Variants in EFCAB6 observed in about 807,000 individuals in gnomAD.
The protein encoded by EFCAB6 is EF-hand calcium-binding domain-containing protein 6.
EFCAB6 carries 156 observed loss-of-function variants against 169.8 expected under a neutral mutation model. The ratio of observed to expected loss-of-function variants is 0.92; its 90% CI spans 0.81 to 1.05. The LOEUF is 1.05. Ranked by LOEUF, EFCAB6 falls within the 50% of genes least tolerant of loss-of-function variation. EFCAB6 has a pLI of 0.00. For synonymous variants in EFCAB6, 698 were observed against 676.4 expected (o/e 1.03, Z -0.50); for missense variants, 1,800 against 1,829.1 (o/e 0.98, Z 0.29).
At chr22:43,540,049 G>C (rs1334596595) in intron 28 of EFCAB6, 78 bp downstream of exon 28, 8 of 1,518,742 alleles carry the variant, frequency 5.3e-6, no homozygotes, top group Non-Finnish European at 7.2e-6. Context: ...CCATAGTAGG[G>C]CCCCCAAAGT....
chr22:43,728,789 T>G (rs1403163213), intron 8 of EFCAB6, among the ~76,000 whole-genome samples: 2 of 152,260 alleles, frequency 1.3e-5, no homozygotes, highest in African/African-American at 4.8e-5. Flanking sequence ...TTTAAGTTCC[T>G]TATAGATTCT....
intron 31 of EFCAB6, among the ~76,000 whole-genome samples, chr22:43,530,314 G>T (rs1302329315): frequency 1.3e-5 from 2 of 152,258 alleles, no homozygotes; most frequent in South Asian, 4.1e-4. Context: ...CCACTGCGGG[G>T]TGTTTGTTAG....
intron 10 of EFCAB6, among the ~76,000 whole-genome samples, chr22:43,690,087 T>A (rs145727812): frequency 2.6e-5 from 4 of 152,232 alleles, no homozygotes; most frequent in Non-Finnish European, 5.9e-5. Context: ...CATTCACACA[T>A]CCACATATAT....
chr22:43,551,014 C>T (rs755451952), intron 27 of EFCAB6, among the ~76,000 whole-genome samples: 4 of 152,298 alleles, frequency 2.6e-5, no homozygotes, highest in African/African-American at 4.8e-5. Context: ...TGGCCCCTCA[C>T]GTTCGTGACT....
chr22:43,579,840 C>T (rs1022487394), intron 25 of EFCAB6, among the ~76,000 whole-genome samples: 95 of 150,616 alleles, frequency 6.3e-4, no homozygotes, highest in African/African-American at 2.2e-3. Flanking sequence ...GCATCATTCT[C>T]TATATGCAGG....
intron 6 of EFCAB6, among the ~76,000 whole-genome samples, chr22:43,737,090 G>T (rs2060168283): frequency 6.6e-6 from 1 of 151,906 alleles, no homozygotes; most frequent in South Asian, 2.1e-4. Flanking sequence ...TACTCTCTTG[G>T]TGAGACCCTA....
At chr22:43,616,055 T>G in intron 20 of EFCAB6, 133 bp from the exon 21 acceptor site, 1 of 644,192 alleles carries the variant, frequency 1.6e-6, no homozygotes, top group South Asian at 3.0e-5. Flanking sequence ...CTGGTTTAAC[T>G]TAATTCTTAA....
intron 2 of EFCAB6, among the ~76,000 whole-genome samples, chr22:43,783,556 T>C (rs1409819495): frequency 1.3e-5 from 2 of 152,200 alleles, no homozygotes; most frequent in Non-Finnish European, 1.5e-5. Context: ...TGGGAGATAC[T>C]GTTCCCAGGC....
intron 2 of EFCAB6, among the ~76,000 whole-genome samples, chr22:43,797,884 A>G (rs1312207768): frequency 6.6e-6 from 1 of 152,186 alleles, no homozygotes; most frequent in African/African-American, 2.4e-5. Context: ...TTCCCAAGCA[A>G]GAGATTTTTT....
Position 43,537,564 on chromosome 22 carries a change from A to C in EFCAB6, c.3880-19T>G, listed in dbSNP as rs2047455624. On this transcript the variant is annotated intron_variant, in intron 28 of 31. Transcript: ENST00000262726. The surrounding 1 kb of genome is among the most constrained non-coding windows in gnomAD (Gnocchi z 4.3). ...CTGGAGTCTAGCAGGGAAGAAAAGA[A>C]AAGGCTCTTTTCACTTAAGATTTAA... 6.3e-7 allele frequency: 1 copy of C among 1,592,992 alleles called. No homozygotes were observed. Among genetic ancestry groups the C allele is most frequent in the East Asian group, 2.2e-5 (1 of 44,552 alleles).
At chr22:43,743,147 A>G (rs1355718231) in intron 6 of EFCAB6, among the ~76,000 whole-genome samples, 2 of 152,260 alleles carry the variant, frequency 1.3e-5, no homozygotes, top group Non-Finnish European at 2.9e-5. Flanking sequence ...AAAATATTCA[A>G]TTAAAAAGAT....
intron 3 of EFCAB6, among the ~76,000 whole-genome samples, chr22:43,777,442 G>A (rs8137389): frequency 0.16 from 24,015 of 152,130 alleles, 1,958 homozygotes; most frequent in South Asian, 0.24. Context: ...GGGGGAAGAA[G>A]GAACTTAACC....
At chr22:43,667,045 G>C (rs1025316463) in intron 17 of EFCAB6, 59 bp downstream of exon 17, 9 of 1,560,316 alleles carry the variant, frequency 5.8e-6, no homozygotes, top group Non-Finnish European at 6.1e-6. Flanking sequence ...AAGTATGTTA[G>C]TATAAGAAAA....
chr22:43,679,024 G>A (rs933629287), intron 12 of EFCAB6, among the ~76,000 whole-genome samples: 3 of 152,146 alleles, frequency 2.0e-5, no homozygotes, highest in Admixed American at 6.5e-5. Context: ...AATGCCTAAA[G>A]AGAAATCACT....
rs185836154 is a variant in EFCAB6 at position 43,661,340 on chromosome 22, G to A, written c.1983+5764C>T. ...CTGCAGTGAGCATGATCGCACCATT[G>A]CACTCCAGCCTGGGAGACAAAGTGA... On this transcript the variant is annotated intron_variant, in intron 17 of 31. Transcript: ENST00000262726. Among the ~76,000 whole-genome samples the A allele has an allele frequency of 8.5e-5, 13 of 152,264 alleles. 1 individual carries two copies. In the East Asian group the frequency reaches 2.5e-3, roughly 29 times the overall value.
chr22:43,645,899 A>T (rs911297638), intron 17 of EFCAB6, among the ~76,000 whole-genome samples: 4 of 152,220 alleles, frequency 2.6e-5, no homozygotes, highest in African/African-American at 9.6e-5. Context: ...ATGAGGTGAC[A>T]TGACCACCTT....
chr22:43,725,757 C>G (rs576108651), intron 8 of EFCAB6, among the ~76,000 whole-genome samples: 1 of 152,286 alleles, frequency 6.6e-6, no homozygotes, highest in South Asian at 2.1e-4. Context: ...AGGCCTCTGT[C>G]CTGACAGCCT....
At chr22:43,751,144 C>T (rs1328313835) in intron 6 of EFCAB6, among the ~76,000 whole-genome samples, 1 of 152,242 alleles carries the variant, frequency 6.6e-6, no homozygotes, top group Non-Finnish European at 1.5e-5. Flanking sequence ...TCTTTATGTA[C>T]TTCTTTAACT....
At chr22:43,738,079 C>G (rs906514087) in intron 6 of EFCAB6, among the ~76,000 whole-genome samples, 1 of 150,858 alleles carries the variant, frequency 6.6e-6, no homozygotes, top group African/African-American at 2.4e-5. Context: ...TTCACACACA[C>G]ATACATGCAG....
Sources: gnomAD v4.1 joint callset for allele counts (sites outside exome capture counted in the v4.1 genomes callset) on GRCh38, gnomAD v4.1.1 for gene constraint, Gnocchi (gnomAD v3.1) non-coding constraint, MANE v1.5 for transcripts, NCBI Gene and HGNC (gene_info 2026-07-23, HGNC 2026-07-21) for gene names.